The following RNF111 variants were observed in gnomAD, a reference collection of about 807,000 sequenced individuals.
RNF111 encodes E3 ubiquitin-protein ligase Arkadia.
Under a neutral mutation model 95.1 loss-of-function variants are expected in RNF111, and 17 were observed. That is an observed-to-expected ratio of 0.18 (90% CI 0.12 to 0.27). The LOEUF (loss-of-function observed/expected upper bound fraction) is 0.27, where lower values mean the gene tolerates loss of function less well. RNF111 is among the 10% of genes least tolerant of loss of function. The pLI is 1.00. For missense variants in RNF111, 1,189 were observed against 1,210.4 expected (o/e 0.98, Z 0.26); for synonymous variants, 440 against 414.8 (o/e 1.06, Z -0.74).
At chr15:59,038,964 A>T (rs892503488) in intron 2 of RNF111, among the ~76,000 whole-genome samples, 2 of 151,944 alleles carry the variant, frequency 1.3e-5, no homozygotes, top group Non-Finnish European at 2.9e-5. Flanking sequence ...AGGGGTGCAA[A>T]ATATTGATTT....
At chr15:59,014,713 A>G (rs1160959784) in intron 1 of RNF111, among the ~76,000 whole-genome samples, 1 of 152,100 alleles carries the variant, frequency 6.6e-6, no homozygotes, top group Non-Finnish European at 1.5e-5. Flanking sequence ...AACTGCCATG[A>G]ACAAAGAGGT....
intron 6 of RNF111, among the ~76,000 whole-genome samples, chr15:59,073,811 C>G (rs2043049602): frequency 6.6e-6 from 1 of 152,120 alleles, no homozygotes; most frequent in Non-Finnish European, 1.5e-5. Context: ...CCAGATTGAT[C>G]AGAGGAATTA....
rs534298827 is a variant in RNF111 at position 59,045,145 on chromosome 15, A to G, written c.881-7160A>G. On this transcript the variant is annotated intron_variant, in intron 2 of 13. Coordinates refer to ENST00000348370, the MANE Select transcript of RNF111 (RefSeq NM_017610.8). ...ACATAAGCCATGTAAAAGGTGTTCGATAATGTTAGCTTATTTTTTACAGTT... is the reference window on the plus strand; with the variant it reads ...ACATAAGCCATGTAAAAGGTGTTCGGTAATGTTAGCTTATTTTTTACAGTT... 2.0e-5 allele frequency among the ~76,000 whole-genome samples: 3 copies of G among 150,960 alleles called. No individual in the cohort carries two copies. In the East Asian group the frequency reaches 5.8e-4, roughly 29 times the overall value.
intron 2 of RNF111, among the ~76,000 whole-genome samples, chr15:59,032,588 A>G (rs2141779810): frequency 6.6e-6 from 1 of 152,088 alleles, no homozygotes; most frequent in South Asian, 2.1e-4. Context: ...CACCTGGCTT[A>G]TTTTTGTATT....
At chr15:59,013,548 G>GT (rs750073146) in intron 1 of RNF111, among the ~76,000 whole-genome samples, 37 of 152,146 alleles carry the variant, frequency 2.4e-4, no homozygotes, top group Non-Finnish European at 3.7e-4. Context: ...TCATCACATT[G>GT]TATCAGGAGT....
chr15:59,039,199 G>T (rs896653050), intron 2 of RNF111, among the ~76,000 whole-genome samples: 5 of 152,050 alleles, frequency 3.3e-5, no homozygotes, highest in African/African-American at 1.2e-4. Flanking sequence ...CCTAACCTCA[G>T]GTCATCTGCC....
At chr15:59,084,654 T>TAA (rs1280655471) in intron 9 of RNF111, among the ~76,000 whole-genome samples, 28 of 152,158 alleles carry the variant, frequency 1.8e-4, no homozygotes, top group African/African-American at 6.3e-4. Flanking sequence ...AGTTTTGAAA[T>TAA]AAACGGTACG....
intron 6 of RNF111, among the ~76,000 whole-genome samples, chr15:59,069,172 A>T (rs932046964): frequency 3.3e-5 from 5 of 151,794 alleles, no homozygotes; most frequent in African/African-American, 4.8e-5. Context: ...AATTAAAGAG[A>T]TTTTAGATGT....
At chr15:59,020,336 T>C (rs1190633931) in intron 1 of RNF111, among the ~76,000 whole-genome samples, 2 of 151,828 alleles carry the variant, frequency 1.3e-5, no homozygotes, top group African/African-American at 4.8e-5. Context: ...TTATGTCTTA[T>C]TTAGTATACA....
chr15:59,040,384 C>T (rs2041392980), intron 2 of RNF111, among the ~76,000 whole-genome samples: 1 of 152,032 alleles, frequency 6.6e-6, no homozygotes, highest in African/African-American at 2.4e-5. Context: ...CCATGTTAGC[C>T]TCCTCATTTG....
At position 59,088,018 on chromosome 15, in the gene RNF111, T is replaced by C. The variant is rs1395401156; in HGVS notation, c.2551-1649T>C. ...AATATAGCCTTCTTGCTTTATAAGC[T>C]TGGCTGTGAAGGGAAAGTGAAGGAA... is the stretch of plus-strand genomic sequence containing the variant. On this transcript the variant is annotated intron_variant, in intron 10 of 13. Transcript: ENST00000348370. 2.0e-5 allele frequency among the ~76,000 whole-genome samples: 3 copies of C among 152,308 alleles called. No homozygotes were observed. In the East Asian group the frequency reaches 5.8e-4, roughly 29 times the overall value.
chr15:59,080,341 G>A (rs1019584737), intron 7 of RNF111, among the ~76,000 whole-genome samples: 5 of 151,982 alleles, frequency 3.3e-5, no homozygotes, highest in Admixed American at 6.6e-5. Flanking sequence ...GGCTGGTCTC[G>A]AACTCCTGGC....
At chr15:59,060,482 A>G (rs2042386946) in intron 5 of RNF111, among the ~76,000 whole-genome samples, 1 of 152,074 alleles carries the variant, frequency 6.6e-6, no homozygotes. Flanking sequence ...AGAAACTTGC[A>G]GAAATTAGTG....
At chr15:58,992,788 C>T (rs188223395) in intron 1 of RNF111, among the ~76,000 whole-genome samples, 3 of 151,294 alleles carry the variant, frequency 2.0e-5, no homozygotes, top group African/African-American at 7.3e-5. Context: ...CCACTGCATT[C>T]CAGCCTCGGT....
rs756811597 is a variant in RNF111 at position 59,076,212 on chromosome 15, C to T, written c.1945C>T (p.Pro649Ser). Residue 649 changes from proline (P) to serine (S), a missense_variant, in exon 7 of 14, where the codon CCT becomes TCT. Physicochemically the swap from Pro to Ser is moderately conservative, Grantham distance 74 (BLOSUM62 -1). Coordinates refer to ENST00000348370, the MANE Select transcript of RNF111 (RefSeq NM_017610.8). ...LSSCRHYMPP[P>S]YASLTRPLHH... is the part of the protein sequence containing the mutation. ...ATCATGTCGACATTACATGCCACCC[C>T]CTTGTAAGTATATACTTAGTGGACA... 6.2e-7 allele frequency: 1 copy of T among 1,612,902 alleles called. No homozygotes were observed. The highest frequency in any genetic ancestry group is 1.3e-5 in the African/African-American group (1 of 74,924).
intron 2 of RNF111, among the ~76,000 whole-genome samples, chr15:59,035,896 C>T (rs574287632): frequency 3.5e-4 from 53 of 152,284 alleles, no homozygotes; most frequent in African/African-American, 1.2e-3. Context: ...ATCTTCTTAT[C>T]TTTGGAGCTC....
In RNF111 at chr15:59,056,031, G is replaced by A. The variant is rs1230751010; in HGVS notation, c.1171+186G>A. Among the ~76,000 whole-genome samples, 4 of 152,112 alleles carry A rather than the reference G, an allele frequency of 2.6e-5. No individual in the cohort carries two copies. In the South Asian group the frequency reaches 8.3e-4, roughly 32 times the overall value. ...GTAAATTTACATAAAATTCTTTGTG[G>A]TTATTGTTTCAATACTTGATAGCTA... On this transcript the variant is annotated intron_variant, in intron 4 of 13. Transcript: ENST00000348370.
At chr15:59,040,832 G>C (rs550494400) in intron 2 of RNF111, among the ~76,000 whole-genome samples, 1 of 152,022 alleles carries the variant, frequency 6.6e-6, no homozygotes, top group East Asian at 1.9e-4. Flanking sequence ...CATGCATTTA[G>C]GTTCATTTAT....
At chr15:59,039,942 C>G (rs1356631640) in intron 2 of RNF111, among the ~76,000 whole-genome samples, 1 of 151,948 alleles carries the variant, frequency 6.6e-6, no homozygotes, top group Non-Finnish European at 1.5e-5. Context: ...GTCTCGATCT[C>G]CTGACCTCAT....
Sources: gnomAD v4.1 joint callset for allele counts (sites outside exome capture counted in the v4.1 genomes callset) on GRCh38, gnomAD v4.1.1 for gene constraint, MANE v1.5 for transcripts, NCBI Gene and HGNC (gene_info 2026-07-23, HGNC 2026-07-21) for gene names.